SYK: variants seen among roughly 807,000 people sequenced by gnomAD.
The protein encoded by SYK is spleen associated tyrosine kinase.
A neutral mutation model predicts 77.8 loss-of-function variants in SYK; 16 were observed. The observed-to-expected ratio is 0.21, with a 90% CI of 0.14 to 0.31. The LOEUF (loss-of-function observed/expected upper bound fraction) is 0.31, where lower values mean the gene tolerates loss of function less well. Ranked by LOEUF, SYK falls within the 10% of genes least tolerant of loss-of-function variation. The probability of loss-of-function intolerance (pLI) is 1.00; values close to 1 mark genes in which losing one functional copy is unlikely to be tolerated. For synonymous variants in SYK, 312 were observed against 308.7 expected (o/e 1.01, Z -0.11); for missense variants, 529 against 814.4 (o/e 0.65, Z 4.26).
chr9:90,887,545 A>T (rs1247850633), intron 11 of SYK, among the ~76,000 whole-genome samples: 1 of 151,566 alleles, frequency 6.6e-6, no homozygotes, highest in African/African-American at 2.4e-5. Flanking sequence ...AGCTGGAATT[A>T]CAGGCACCCG....
intron 1 of SYK, among the ~76,000 whole-genome samples, chr9:90,830,459 C>G (rs936161532): frequency 6.6e-6 from 1 of 152,220 alleles, no homozygotes; most frequent in African/African-American, 2.4e-5. Context: ...GTTTGCAGAG[C>G]CTGGTGCTGG....
intron 3 of SYK, among the ~76,000 whole-genome samples, chr9:90,855,058 T>C (rs1300409394): frequency 7.0e-6 from 1 of 143,472 alleles, no homozygotes; most frequent in Non-Finnish European, 1.5e-5. Flanking sequence ...CGCGGCTGCA[T>C]ATCATCTCCT....
chr9:90,844,064 GCCC>G lies in SYK; in HGVS notation c.167_169del (p.Ala56_His57delinsAsp). On this transcript the variant is annotated inframe_deletion, in exon 2 of 14. Coordinates refer to ENST00000375754, the MANE Select transcript of SYK (RefSeq NM_003177.7). ...CCTGGGTGGCTTCGCCCTGTCCGTG[GCCC>G]ACGGGAGGAAGGCACACCACTACAC... The G allele has an allele frequency of 6.2e-7, 1 of 1,612,368 alleles. No individual in the cohort carries two copies. The highest frequency in any genetic ancestry group is 8.5e-7 in the Non-Finnish European group (1 of 1,179,132).
rs1007805702 is a variant in SYK at position 90,828,198 on chromosome 9, G to A, written c.-41-15660G>A. 6.8e-5 allele frequency among the ~76,000 whole-genome samples: 10 copies of A among 147,902 alleles called. No homozygotes were observed. In the East Asian group the frequency reaches 1.6e-3, roughly 24 times the overall value. ...ACAGACAAGAGATGTTAGGTCTGCCGGCTGTTGTCATTGCAGTCTGCTGTG... is the reference window on the plus strand; with the variant it reads ...ACAGACAAGAGATGTTAGGTCTGCCAGCTGTTGTCATTGCAGTCTGCTGTG... On this transcript the variant is annotated intron_variant, in intron 1 of 13. Coordinates refer to ENST00000375754, the MANE Select transcript of SYK (RefSeq NM_003177.7).
At chr9:90,808,275 AG>A (rs1378714155) in intron 1 of SYK, among the ~76,000 whole-genome samples, 2 of 152,196 alleles carry the variant, frequency 1.3e-5, no homozygotes, top group Non-Finnish European at 2.9e-5. Context: ...TTAATTTCCA[AG>A]GAATGTAGTT....
intron 1 of SYK, among the ~76,000 whole-genome samples, chr9:90,804,174 C>T (rs1824726562): frequency 6.6e-6 from 1 of 152,164 alleles, no homozygotes. Context: ...AGGGCAGTTC[C>T]TCTCTCTTTA....
chr9:90,809,127 G>A (rs1587800832), intron 1 of SYK, among the ~76,000 whole-genome samples: 1 of 152,190 alleles, frequency 6.6e-6, no homozygotes, highest in East Asian at 1.9e-4. Context: ...GAAGAGCCTG[G>A]CTAGAGCAGG....
intron 10 of SYK, among the ~76,000 whole-genome samples, chr9:90,878,550 G>A (rs12003597): frequency 0.19 from 28,712 of 152,110 alleles, 3,087 homozygotes; most frequent in Admixed American, 0.3. Flanking sequence ...TTCCAAGCAT[G>A]CCAGGAAACT....
chr9:90,828,491 A>G (rs1015295454), intron 1 of SYK, among the ~76,000 whole-genome samples: 1 of 152,014 alleles, frequency 6.6e-6, no homozygotes, highest in East Asian at 1.9e-4. Flanking sequence ...GACATGGTAG[A>G]TGGTGCAGTT....
chr9:90,873,786 T>C (rs1227723199), intron 7 of SYK, among the ~76,000 whole-genome samples: 1 of 152,196 alleles, frequency 6.6e-6, no homozygotes, highest in Non-Finnish European at 1.5e-5. Flanking sequence ...TTTTCCTCTT[T>C]AAATAATGTC....
chr9:90,872,799 A>G (rs1157428883), intron 7 of SYK, among the ~76,000 whole-genome samples: 1 of 152,246 alleles, frequency 6.6e-6, no homozygotes, highest in Non-Finnish European at 1.5e-5. Flanking sequence ...TGTTCAACAC[A>G]TTTTTATTGA....
At chr9:90,804,529 C>T (rs571606256) in intron 1 of SYK, among the ~76,000 whole-genome samples, 81 of 152,260 alleles carry the variant, frequency 5.3e-4, no homozygotes, top group Middle Eastern at 6.8e-3. Flanking sequence ...TCTACTCTTG[C>T]TTTGCTGGTT....
chr9:90,842,764 T>C (rs909885714), intron 1 of SYK, among the ~76,000 whole-genome samples: 2 of 96,064 alleles, frequency 2.1e-5, no homozygotes, highest in African/African-American at 6.8e-5. Context: ...AGAGAGTGTG[T>C]GTGTGTGTGT....
At chr9:90,876,667 T>C (rs1421653271) in intron 9 of SYK, among the ~76,000 whole-genome samples, 1 of 152,216 alleles carries the variant, frequency 6.6e-6, no homozygotes, top group Non-Finnish European at 1.5e-5. Context: ...CTAGAGAATT[T>C]GGGGAGAGGA....
At chr9:90,846,099 A>G (rs1420506041) in intron 3 of SYK, among the ~76,000 whole-genome samples, 1 of 152,234 alleles carries the variant, frequency 6.6e-6, no homozygotes, top group African/African-American at 2.4e-5. Flanking sequence ...GCCCACAGTC[A>G]TTAGAGGGTC....
intron 1 of SYK, among the ~76,000 whole-genome samples, chr9:90,822,097 T>G (rs1346114463): frequency 6.6e-5 from 10 of 152,278 alleles, no homozygotes; most frequent in African/African-American, 2.4e-4. Context: ...CTAATTCAGT[T>G]TTGGGGGTGA....
intron 1 of SYK, among the ~76,000 whole-genome samples, chr9:90,819,776 T>C (rs1052144382): frequency 2.6e-5 from 4 of 152,038 alleles, no homozygotes; most frequent in African/African-American, 9.7e-5. Flanking sequence ...TCAAAACCAA[T>C]CATGCCTTCC....
chr9:90,892,853 G>A (rs1023105176), intron 13 of SYK, among the ~76,000 whole-genome samples: 3 of 152,246 alleles, frequency 2.0e-5, no homozygotes, highest in Admixed American at 1.3e-4. Context: ...CTGAGAGTCA[G>A]GGAGGCTCTA....
At chr9:90,803,638 A>G (rs1156315380) in intron 1 of SYK, among the ~76,000 whole-genome samples, 5 of 152,024 alleles carry the variant, frequency 3.3e-5, no homozygotes, top group African/African-American at 4.8e-5. Context: ...CTTTTTTTTA[A>G]TGGAAGACTT....
Sources: gnomAD v4.1 joint callset for allele counts (sites outside exome capture counted in the v4.1 genomes callset) on GRCh38, gnomAD v4.1.1 for gene constraint, MANE v1.5 for transcripts, NCBI Gene and HGNC (gene_info 2026-07-23, HGNC 2026-07-21) for gene names.